PGLYRP4: variants seen among roughly 807,000 people sequenced by gnomAD.
The protein encoded by PGLYRP4 is peptidoglycan recognition protein 4.
Under a neutral mutation model 41.2 loss-of-function variants are expected in PGLYRP4, and 39 were observed. That is an observed-to-expected ratio of 0.95 (90% CI 0.73 to 1.24). The LOEUF is 1.24. PGLYRP4 is among the 50% of genes most tolerant of loss of function. PGLYRP4 has a pLI of 0.00. For missense variants in PGLYRP4, 467 were observed against 460.7 expected (o/e 1.01, Z -0.13); for synonymous variants, 202 against 186.8 (o/e 1.08, Z -0.66).
rs777182745 is a variant in PGLYRP4 at position 153,346,180 on chromosome 1, A to T, written c.61T>A (p.Trp21Arg). 17 of 1,613,434 alleles carry T rather than the reference A, an allele frequency of 1.1e-5. No individual in the cohort carries two copies. ...LGIQAWGDSSWNKTQAKQVSE... is the reference protein window; with the variant it reads ...LGIQAWGDSSRNKTQAKQVSE... ...ACCTGTTTAGCTTGTGTTTTGTTCC[A>T]GGAGGAATCACCTGCAAAGGAATAT... The change falls in exon 3 of 9, where the codon TGG becomes AGG. Residue 21 changes from tryptophan to arginine, a missense_variant. Coordinates refer to ENST00000359650, the MANE Select transcript of PGLYRP4 (RefSeq NM_020393.4).
chr1:153,331,603 T>G (rs535592173), intron 8 of PGLYRP4: 5 of 152,352 alleles, frequency 3.3e-5, no homozygotes, highest in Admixed American at 1.3e-4. Flanking sequence ...CTAAACAAAC[T>G]GATTAAGAAC....
At chr1:153,344,406 G>A (rs1005163629) in intron 4 of PGLYRP4, among the ~76,000 whole-genome samples, 9 of 152,168 alleles carry the variant, frequency 5.9e-5, no homozygotes, top group African/African-American at 1.9e-4. Flanking sequence ...CTGTGTACAT[G>A]CGCTTTAGAA....
At chr1:153,340,289 C>T in intron 7 of PGLYRP4, 92 bp downstream of exon 7, 1 of 1,110,508 alleles carries the variant, frequency 9.0e-7, no homozygotes, top group Non-Finnish European at 1.4e-6. Context: ...TGGTGACTAC[C>T]CAGTAAATAT....
At chr1:153,345,062 T>C (rs1047772616) in intron 4 of PGLYRP4, 107 bp downstream of exon 4, 4 of 819,824 alleles carry the variant, frequency 4.9e-6, no homozygotes, top group Admixed American at 4.5e-5. Context: ...ATAAAACATA[T>C]AGGACCACAA....
chr1:153,347,684 T>C lies in PGLYRP4; in HGVS notation c.49+200A>G, dbSNP rs1024901843. ...ACCACCCCTGGCCAAGAGAGAGTAG[T>C]TTTTTTTGTTGTTGTTTGTTTGTTT... On this transcript the variant is annotated intron_variant, in intron 2 of 8. Transcript: ENST00000359650. Among the ~76,000 whole-genome samples the C allele has an allele frequency of 2.0e-5, 3 of 151,986 alleles. No homozygotes were observed. The East Asian group carries it at 5.8e-4, about 29-fold the overall frequency.
At chr1:153,334,339 T>C (rs1040978558) in intron 8 of PGLYRP4, among the ~76,000 whole-genome samples, 1 of 150,970 alleles carries the variant, frequency 6.6e-6, no homozygotes, top group Admixed American at 6.6e-5. Flanking sequence ...AATACACCTG[T>C]TATATATAGG....
chr1:153,344,246 A>G (rs968682025), intron 4 of PGLYRP4, among the ~76,000 whole-genome samples: 1 of 152,200 alleles, frequency 6.6e-6, no homozygotes, highest in Admixed American at 6.5e-5. Context: ...GCCACCTTTC[A>G]TGGTTCTTTC....
In PGLYRP4 at chr1:153,345,226, A is replaced by C; in HGVS notation, c.296T>G (p.Leu99Arg). The C allele has an allele frequency of 6.2e-7, 1 of 1,614,096 alleles. No homozygotes were observed. The highest frequency in any genetic ancestry group is 8.5e-7 in the Non-Finnish European group (1 of 1,180,028). ...CHDQTVCSQR[L>R]RELQAHHVHN... ...GACATGATGGGCCTGCAGTTCCCGC[A>C]GTCTCTGGCTGCAGACTGTCTGGTC... The change falls in exon 4 of 9, where the codon CTG (leucine) becomes CGG (arginine). Residue 99 changes from leucine to arginine, a missense_variant. Coordinates refer to ENST00000359650, the MANE Select transcript of PGLYRP4 (RefSeq NM_020393.4).
intron 3 of PGLYRP4, among the ~76,000 whole-genome samples, chr1:153,345,597 C>A (rs572668797): frequency 3.3e-5 from 5 of 152,294 alleles, no homozygotes; most frequent in Admixed American, 6.5e-5. Flanking sequence ...TTTGCTCCCC[C>A]ATCCCATAAT....
In PGLYRP4 at chr1:153,330,515, C is replaced by T; in HGVS notation, c.*252G>A. 3.5e-6 allele frequency: 1 copy of T among 282,588 alleles called. No individual in the cohort carries two copies. The highest frequency in any genetic ancestry group is 4.5e-5 in the Admixed American group (1 of 22,012). The allele number at this position is 282,588 out of a possible 1,614,324, so 17.5% of individuals were successfully genotyped here. A position where few individuals can be genotyped will look rare whatever the true frequency, so the allele number is the denominator to read the frequency against. ...TCACCTGGCTGAGGAGTTGGGTTTC[C>T]AAGGGAGAGGAAGGTAAGGAGAGAA... On this transcript the variant is annotated 3_prime_UTR_variant, in exon 9 of 9. Transcript: ENST00000359650.
intron 8 of PGLYRP4, among the ~76,000 whole-genome samples, chr1:153,331,293 G>T (rs1439737303): frequency 6.6e-6 from 1 of 152,204 alleles, no homozygotes. Flanking sequence ...GGATGCAGGG[G>T]AATACTAGTC....
intron 5 of PGLYRP4, 122 bp from the exon 6 acceptor site, chr1:153,341,901 G>T: frequency 1.2e-6 from 1 of 864,034 alleles, no homozygotes; most frequent in Non-Finnish European, 1.8e-6. Flanking sequence ...AAGGGAACAG[G>T]TTATGCCCCC....
At chr1:153,336,042 G>A (rs529365601) in intron 8 of PGLYRP4, among the ~76,000 whole-genome samples, 8 of 31,350 alleles carry the variant, frequency 2.6e-4, no homozygotes, top group African/African-American at 8.3e-4. Flanking sequence ...GGTAGGGTGC[G>A]TGCGTGTGTG....
chr1:153,330,689 T>G lies in PGLYRP4; in HGVS notation c.*78A>C. 7.6e-7 allele frequency: 1 copy of G among 1,318,738 alleles called. No individual in the cohort carries two copies. Among genetic ancestry groups the G allele is most frequent in the Non-Finnish European group, 1.1e-6 (1 of 937,512 alleles). 81.7% of individuals were successfully genotyped at this position (1,318,738 alleles called of 1,614,324 possible). ...GGCAGGGGAGGAGGGCAAAAGGTGT[T>G]GAGCCAAGCTGGATGGTTAGGACAG... On this transcript the variant is annotated 3_prime_UTR_variant, in exon 9 of 9. Transcript: ENST00000359650.
At chr1:153,336,466 A>C (rs780979689) in intron 8 of PGLYRP4, among the ~76,000 whole-genome samples, 4 of 152,036 alleles carry the variant, frequency 2.6e-5, no homozygotes, top group Non-Finnish European at 5.9e-5. Context: ...TTCCTAAGTG[A>C]AATGACTCAA....
chr1:153,347,489 C>T (rs1162488470), intron 2 of PGLYRP4, among the ~76,000 whole-genome samples: 2 of 151,970 alleles, frequency 1.3e-5, no homozygotes, highest in Non-Finnish European at 2.9e-5. Context: ...CCTACCTCAG[C>T]CTCCCTCCTG....
chr1:153,339,922 G>T (rs1045930697), intron 7 of PGLYRP4, among the ~76,000 whole-genome samples: 4 of 152,230 alleles, frequency 2.6e-5, no homozygotes, highest in Non-Finnish European at 5.9e-5. Context: ...AAGGAAGTTG[G>T]TGGTTTCTAG....
intron 8 of PGLYRP4, among the ~76,000 whole-genome samples, chr1:153,335,290 A>G (rs533529895): frequency 1.3e-5 from 2 of 152,322 alleles, no homozygotes; most frequent in African/African-American, 4.8e-5. Flanking sequence ...TTTGCAAACT[A>G]TGCATCTGAC....
intron 8 of PGLYRP4, among the ~76,000 whole-genome samples, chr1:153,333,144 A>G (rs1404520702): frequency 2.0e-5 from 3 of 152,084 alleles, no homozygotes; most frequent in Non-Finnish European, 4.4e-5. Context: ...TTGAAAAGAT[A>G]AACAGAACAG....
Sources: gnomAD v4.1 joint callset for allele counts (sites outside exome capture counted in the v4.1 genomes callset) on GRCh38, gnomAD v4.1.1 for gene constraint, MANE v1.5 for transcripts, NCBI Gene and HGNC (gene_info 2026-07-23, HGNC 2026-07-21) for gene names.